S100PBP: variants seen among roughly 807,000 people sequenced by gnomAD.
S100PBP encodes S100P-binding protein.
Under a neutral mutation model 39.9 loss-of-function variants are expected in S100PBP, and 15 were observed. That is an observed-to-expected ratio of 0.38 (90% CI 0.25 to 0.58). The LOEUF (loss-of-function observed/expected upper bound fraction) is 0.58. S100PBP is among the 20% of genes least tolerant of loss of function. S100PBP has a pLI of 0.70. For missense variants in S100PBP, 504 were observed against 487.3 expected (o/e 1.03, Z -0.32); for synonymous variants, 178 against 180.3 (o/e 0.99, Z 0.10).
intron 5 of S100PBP, among the ~76,000 whole-genome samples, chr1:32,832,050 A>T (rs1639622622): frequency 1.3e-5 from 2 of 152,214 alleles, no homozygotes; most frequent in South Asian, 4.1e-4. Context: ...TTAGTGGTTG[A>T]GAGAGTAAAG....
chr1:32,843,440 A>G (rs1035559569), intron 5 of S100PBP, among the ~76,000 whole-genome samples: 3 of 151,294 alleles, frequency 2.0e-5, no homozygotes, highest in Non-Finnish European at 4.4e-5. Flanking sequence ...GACTACAGGC[A>G]TGAGCCACCA....
chr1:32,821,625 C>T (rs1391845709), intron 1 of S100PBP, among the ~76,000 whole-genome samples: 1 of 140,128 alleles, frequency 7.1e-6, no homozygotes, highest in South Asian at 2.2e-4. Context: ...TGGCCTGTTT[C>T]TTTTTTCTTT....
intron 5 of S100PBP, among the ~76,000 whole-genome samples, chr1:32,841,058 G>A (rs1477465363): frequency 6.6e-6 from 1 of 151,836 alleles, no homozygotes; most frequent in African/African-American, 2.4e-5. Context: ...CTACTCAGGA[G>A]GCTGAGGCAG....
intron 5 of S100PBP, among the ~76,000 whole-genome samples, chr1:32,841,415 A>G (rs1189575994): frequency 6.6e-6 from 1 of 151,872 alleles, no homozygotes; most frequent in African/African-American, 2.4e-5. Context: ...TAGTAGATGA[A>G]GTAAGTTTAA....
Position 32,858,219 on chromosome 1 carries a change from C to G in S100PBP, c.*2181C>G, listed in dbSNP as rs1408405023. ...GCAAAAATCTAAGACTCGTGCCCTC[C>G]TGGTACATGGGGTTTTAAGACTGAA... On this transcript the variant is annotated 3_prime_UTR_variant, in exon 7 of 7. Transcript: ENST00000373475. The G allele has an allele frequency of 6.6e-6, 1 of 152,652 alleles. No individual in the cohort carries two copies. The highest frequency in any genetic ancestry group is 6.5e-5 in the Admixed American group (1 of 15,274). The allele number at this position is 152,652 out of a possible 1,614,324, so 9.5% of individuals were successfully genotyped here. A position where few individuals can be genotyped will look rare whatever the true frequency, so the allele number is the denominator to read the frequency against.
At chr1:32,829,382 C>T (rs1462279941) in intron 4 of S100PBP, among the ~76,000 whole-genome samples, 1 of 152,140 alleles carries the variant, frequency 6.6e-6, no homozygotes, top group Non-Finnish European at 1.5e-5. Flanking sequence ...TAAATACTTT[C>T]TCTAGGGACT....
At chr1:32,830,862 A>G (rs1281835018) in intron 5 of S100PBP, among the ~76,000 whole-genome samples, 1 of 152,210 alleles carries the variant, frequency 6.6e-6, no homozygotes, top group Non-Finnish European at 1.5e-5. Context: ...CCTGGCCAGC[A>G]TGGCAAAACC....
At position 32,848,378 on chromosome 1, in the gene S100PBP, C is replaced by T. The variant is rs529762890; in HGVS notation, c.1025-4701C>T. Among the ~76,000 whole-genome samples, 7 of 152,316 alleles carry T rather than the reference C, an allele frequency of 4.6e-5. No homozygotes were observed. In the South Asian group the frequency reaches 8.3e-4, roughly 18 times the overall value. ...GGATTTTCCCTAATCTAATCTGCTTCTGTGACCAGTACTTTTGCTGCTATT... is the reference window on the plus strand; with the variant it reads ...GGATTTTCCCTAATCTAATCTGCTTTTGTGACCAGTACTTTTGCTGCTATT... On this transcript the variant is annotated intron_variant, in intron 5 of 6. Coordinates refer to ENST00000373475, the MANE Select transcript of S100PBP (RefSeq NM_022753.4).
Position 32,855,908 on chromosome 1 carries a change from C to G in S100PBP, c.1113-16C>G, listed in dbSNP as rs1295677241. On this transcript the variant is annotated splice_polypyrimidine_tract_variant and intron_variant, in intron 6 of 6. Transcript: ENST00000373475. ...TTGAAATAGCCTTCCTGTTTGTACT[C>G]TCCCTCTCTCGATAGAAACTACGCC... is the stretch of plus-strand genomic sequence containing the variant. 2.5e-6 allele frequency: 4 copies of G among 1,588,350 alleles called. No homozygotes were observed. Among genetic ancestry groups the G allele is most frequent in the African/African-American group, 2.7e-5 (2 of 74,490 alleles).
intron 5 of S100PBP, among the ~76,000 whole-genome samples, chr1:32,831,119 T>C (rs1383492119): frequency 6.6e-6 from 1 of 152,156 alleles, no homozygotes; most frequent in Admixed American, 6.6e-5. Context: ...TCATCTTCAT[T>C]CATTCAGCAA....
intron 1 of S100PBP, among the ~76,000 whole-genome samples, chr1:32,822,407 G>C (rs1184011993): frequency 6.6e-6 from 1 of 152,126 alleles, no homozygotes; most frequent in Non-Finnish European, 1.5e-5. Context: ...GAGGTCAGGA[G>C]ATCAAGACCA....
intron 5 of S100PBP, among the ~76,000 whole-genome samples, chr1:32,847,118 G>A (rs1412082528): frequency 6.6e-6 from 1 of 152,030 alleles, no homozygotes; most frequent in African/African-American, 2.4e-5. Context: ...CATCTAAATA[G>A]GAAAAATAGC....
upstream of S100PBP, chr1:32,817,081 C>T: frequency 2.1e-6 from 3 of 1,414,168 alleles, no homozygotes; most frequent in Non-Finnish European, 3.0e-6. Context: ...GCTGCGCCAG[C>T]GCCGAGTCCC....
At chr1:32,825,911 A>T (rs1443063753) in intron 2 of S100PBP, among the ~76,000 whole-genome samples, 187 bp from the exon 3 acceptor site, 1 of 152,230 alleles carries the variant, frequency 6.6e-6, no homozygotes, top group African/African-American at 2.4e-5. Flanking sequence ...GATAGGCAAA[A>T]GTATCTCATT....
At chr1:32,844,388 C>T (rs12037317) in intron 5 of S100PBP, among the ~76,000 whole-genome samples, 141 of 152,198 alleles carry the variant, frequency 9.3e-4, no homozygotes, top group African/African-American at 3.2e-3. Flanking sequence ...GAACTGGGCA[C>T]GGTGGCTCAT....
At chr1:32,817,480 G>A, upstream of S100PBP, 1 of 612,694 alleles carries the variant, frequency 1.6e-6, no homozygotes, top group South Asian at 1.9e-5. Context: ...GGCACGGTGG[G>A]CGGTGCGGAG....
intron 5 of S100PBP, among the ~76,000 whole-genome samples, chr1:32,841,275 T>C (rs1310402011): frequency 6.6e-6 from 1 of 152,168 alleles, no homozygotes; most frequent in Non-Finnish European, 1.5e-5. Context: ...TTTGGAAATA[T>C]TTTCTCCCAG....
At chr1:32,817,139 C>A (rs1638768133), upstream of S100PBP, 3 of 1,610,722 alleles carry the variant, frequency 1.9e-6, no homozygotes, top group South Asian at 1.1e-5. Flanking sequence ...AATCACTGAA[C>A]CTCGGGCTCC....
chr1:32,853,304 T>C (rs1487424260), intron 6 of S100PBP, 138 bp downstream of exon 6: 1 of 535,024 alleles, frequency 1.9e-6, no homozygotes, highest in South Asian at 2.1e-5. Context: ...TGAAACCCCA[T>C]ATCTACCAAA....
Sources: gnomAD v4.1 joint callset for allele counts (sites outside exome capture counted in the v4.1 genomes callset) on GRCh38, gnomAD v4.1.1 for gene constraint, MANE v1.5 for transcripts, NCBI Gene and HGNC (gene_info 2026-07-23, HGNC 2026-07-21) for gene names.